The following TRIO variants were observed in gnomAD, a reference collection of about 807,000 sequenced individuals.
TRIO encodes the protein triple functional domain protein.
Under a neutral mutation model 351.9 loss-of-function variants are expected in TRIO, and 58 were observed. That is an observed-to-expected ratio of 0.16 (90% CI 0.13 to 0.21). The LOEUF is 0.21. Among genes scored for constraint, TRIO ranks in the 10% least tolerant of loss-of-function variants. The pLI is 1.00. For missense variants in TRIO, 3,201 were observed against 4,027.8 expected (o/e 0.79, Z 5.56); for synonymous variants, 1,758 against 1,595.7 (o/e 1.10, Z -2.42).
Position 14,397,173 on chromosome 5 carries a change from C to T in TRIO, c.4423+19C>T, listed in dbSNP as rs1448381987. 1 of 1,571,286 alleles carries T rather than the reference C, an allele frequency of 6.4e-7. No homozygotes were observed. Among genetic ancestry groups the T allele is most frequent in the East Asian group, 2.3e-5 (1 of 44,308 alleles). ...CTGGAAGGTAAAGGACCCTCCATACCCCAGTGTGCATCTATGCAGTTTCTA... is the reference window on the plus strand; with the variant it reads ...CTGGAAGGTAAAGGACCCTCCATACTCCAGTGTGCATCTATGCAGTTTCTA... On this transcript the variant is annotated intron_variant, in intron 29 of 56. Transcript: ENST00000344204.
At chr5:14,397,248 A>G in intron 29 of TRIO, 94 bp downstream of exon 29, 5 of 913,352 alleles carry the variant, frequency 5.5e-6, no homozygotes, top group Non-Finnish European at 8.4e-6. Flanking sequence ...TCCCCGCTTT[A>G]TGTCTCTATG....
intron 1 of TRIO, among the ~76,000 whole-genome samples, chr5:14,183,290 T>G (rs1374161911): frequency 6.6e-6 from 1 of 152,176 alleles, no homozygotes; most frequent in Non-Finnish European, 1.5e-5. Context: ...GGGAGTCATT[T>G]TTTTGTGACT....
In TRIO at chr5:14,485,175, G is replaced by T; in HGVS notation, c.6764G>T (p.Ser2255Ile). Residue 2255 changes from serine to isoleucine, a missense_variant, in exon 47 of 57, where the codon AGT becomes ATT. Physicochemically the swap from Ser to Ile is moderately radical, Grantham distance 142 (BLOSUM62 -2). Around this residue, in one of 19 missense-constraint regions of TRIO, gnomAD observed 1,089 missense variants for 954.9 expected, o/e 1.14. Coordinates refer to ENST00000344204, the MANE Select transcript of TRIO (RefSeq NM_007118.4). ...VVETFILHSS[S>I]PSVRQTWIHE... is the part of the protein sequence containing the mutation. ...GAGACCTTCATTTTGCATTCATCTAGTCCAAGTGTCCGGCAAACTTGGATC... is the reference window on the plus strand; with the variant it reads ...GAGACCTTCATTTTGCATTCATCTATTCCAAGTGTCCGGCAAACTTGGATC... The T allele has an allele frequency of 6.3e-7, 1 of 1,591,010 alleles. No individual in the cohort carries two copies. Among genetic ancestry groups the T allele is most frequent in the Non-Finnish European group, 8.6e-7 (1 of 1,161,954 alleles).
At chr5:14,354,927 A>G (rs879652198) in intron 11 of TRIO, among the ~76,000 whole-genome samples, 1 of 152,230 alleles carries the variant, frequency 6.6e-6, no homozygotes, top group Non-Finnish European at 1.5e-5. Flanking sequence ...GATACAGTTG[A>G]GATTTTTGAG....
intron 1 of TRIO, among the ~76,000 whole-genome samples, chr5:14,242,747 A>G (rs1012781422): frequency 7.9e-5 from 12 of 152,092 alleles, no homozygotes; most frequent in African/African-American, 2.9e-4. Flanking sequence ...TAATCTTTTA[A>G]AACATTTTTT....
intron 2 of TRIO, among the ~76,000 whole-genome samples, chr5:14,273,366 T>C (rs1735207363): frequency 6.6e-6 from 1 of 152,242 alleles, no homozygotes; most frequent in African/African-American, 2.4e-5. Flanking sequence ...GCCTAGGTCT[T>C]CTAAAAAGTA....
chr5:14,193,229 C>T (rs1471531892), intron 1 of TRIO, among the ~76,000 whole-genome samples: 1 of 152,116 alleles, frequency 6.6e-6, no homozygotes, highest in Non-Finnish European at 1.5e-5. Context: ...AAAGGATATT[C>T]ACTATAAATA....
At chr5:14,375,758 G>T (rs1745503466) in intron 19 of TRIO, among the ~76,000 whole-genome samples, 1 of 152,208 alleles carries the variant, frequency 6.6e-6, no homozygotes, top group African/African-American at 2.4e-5. Flanking sequence ...AATTAGTACT[G>T]GCTCAGGCAG....
intron 43 of TRIO, 120 bp from the exon 44 acceptor site, chr5:14,481,114 C>A: frequency 9.7e-7 from 1 of 1,033,566 alleles, no homozygotes. Context: ...TCACTTGAGG[C>A]CAGGAGTTCA....
intron 34 of TRIO, among the ~76,000 whole-genome samples, chr5:14,426,456 C>G (rs1329371337): frequency 6.6e-6 from 1 of 152,202 alleles, no homozygotes; most frequent in Non-Finnish European, 1.5e-5. Context: ...TATTTCCACA[C>G]AGAGGCTCCC....
intron 1 of TRIO, among the ~76,000 whole-genome samples, chr5:14,201,153 G>T (rs563943637): frequency 6.6e-6 from 1 of 152,076 alleles, no homozygotes; most frequent in South Asian, 2.1e-4. Context: ...CCAGCTACTC[G>T]GGAGGCTGAG....
chr5:14,237,893 C>T (rs952496910), intron 1 of TRIO, among the ~76,000 whole-genome samples: 1 of 152,186 alleles, frequency 6.6e-6, no homozygotes, highest in Non-Finnish European at 1.5e-5. Context: ...AGGTAGAATT[C>T]ATGACTCATC....
rs940692617 is a variant in TRIO at position 14,263,938 on chromosome 5, T to C, written c.158-6887T>C. The stretch of plus-strand genomic sequence containing the variant: ...CTGTGCATAGCTCTGTGCTTGTCCC[T>C]GGGGATCCAAACATGAACGGCACAC... On this transcript the variant is annotated intron_variant, in intron 1 of 56. Coordinates refer to ENST00000344204, the MANE Select transcript of TRIO (RefSeq NM_007118.4). Among the ~76,000 whole-genome samples, 6 of 152,194 alleles carry C rather than the reference T, an allele frequency of 3.9e-5. No individual in the cohort carries two copies. In the South Asian group the frequency reaches 1.0e-3, roughly 26 times the overall value.
At chr5:14,386,403 C>T (rs1360638795) in intron 21 of TRIO, among the ~76,000 whole-genome samples, 4 of 152,196 alleles carry the variant, frequency 2.6e-5, no homozygotes, top group Non-Finnish European at 5.9e-5. Flanking sequence ...TCACAGGTTA[C>T]CCAGTGAATT....
chr5:14,389,352 C>A lies in TRIO; in HGVS notation c.4012C>A (p.Leu1338Ile). The stretch of plus-strand genomic sequence containing the variant: ...TCCACCTGGCATTGTAAACAAAGAA[C>A]TCATCATCTTCGGAAACATGCAAGA... ...EIPPGIVNKELIIFGNMQEIY... is the reference protein window; with the variant it reads ...EIPPGIVNKEIIIFGNMQEIY... The change falls in exon 25 of 57, where the codon CTC (leucine) becomes ATC (isoleucine). Residue 1338 changes from leucine (L) to isoleucine (I), a missense_variant. Transcript: ENST00000344204. 1 of 1,612,316 alleles carries A rather than the reference C, an allele frequency of 6.2e-7. No homozygotes were observed. Among genetic ancestry groups the A allele is most frequent in the Non-Finnish European group, 8.5e-7 (1 of 1,179,368 alleles).
Position 14,482,647 on chromosome 5 carries a change from A to G in TRIO, c.6531A>G (p.Ala2177=). The G allele has an allele frequency of 6.2e-7, 1 of 1,605,842 alleles. No homozygotes were observed. Among genetic ancestry groups the G allele is most frequent in the Non-Finnish European group, 8.5e-7 (1 of 1,174,674 alleles). Residue 2177 remains alanine (A), a synonymous_variant, in exon 46 of 57, where the codon GCA becomes GCG. Transcript: ENST00000344204. ...CATTCTTGGTCACAGACCAAGATGC[A>G]GGACTTCTGCCTCGCTGCAGAGAGA... ...QDTFLVTDQD[A]GLLPRCRERR...
intron 31 of TRIO, among the ~76,000 whole-genome samples, chr5:14,405,440 G>C (rs1376375021): frequency 2.6e-5 from 4 of 152,214 alleles, no homozygotes; most frequent in African/African-American, 7.2e-5. Context: ...AGGCCGCAAG[G>C]CTGTGGGGAT....
chr5:14,250,289 A>T (rs1315053680), intron 1 of TRIO, among the ~76,000 whole-genome samples: 8 of 152,180 alleles, frequency 5.3e-5, no homozygotes, highest in Admixed American at 5.2e-4. Flanking sequence ...CGCTGCCAGC[A>T]GTTTATCGGC....
At chr5:14,490,057 T>A (rs532444463) in intron 48 of TRIO, among the ~76,000 whole-genome samples, 30 of 152,288 alleles carry the variant, frequency 2.0e-4, no homozygotes, top group Middle Eastern at 3.4e-3. Context: ...GACGGGCAGA[T>A]CACAAGGTCA....
Sources: allele counts gnomAD v4.1 joint callset (sites outside exome capture counted in the v4.1 genomes callset), GRCh38; gene constraint gnomAD v4.1.1; regional missense constraint gnomAD v4.1.1; transcripts MANE v1.5; gene names NCBI Gene and HGNC (gene_info 2026-07-23, HGNC 2026-07-21).